Variants in NLRP14 observed in about 807,000 individuals in gnomAD.
The protein encoded by NLRP14 is NLR family pyrin domain containing 14.
A neutral mutation model predicts 94.7 loss-of-function variants in NLRP14; 105 were observed. That is an observed-to-expected ratio of 1.11 (90% CI 0.95 to 1.30). The LOEUF is 1.30. Ranked by LOEUF, NLRP14 falls within the 50% of genes most tolerant of loss-of-function variation. The probability of loss-of-function intolerance (pLI) is 0.00; values close to 1 mark genes in which losing one functional copy is unlikely to be tolerated. For missense variants in NLRP14, 1,362 were observed against 1,254.1 expected (o/e 1.09, Z -1.30); for synonymous variants, 508 against 459.9 (o/e 1.10, Z -1.34).
intron 4 of NLRP14, among the ~76,000 whole-genome samples, chr11:7,045,966 T>A (rs1183728971): frequency 6.6e-6 from 1 of 152,156 alleles, no homozygotes; most frequent in African/African-American, 2.4e-5. Context: ...GTGGCAGTGT[T>A]GAATTGGGAC....
intron 6 of NLRP14, among the ~76,000 whole-genome samples, chr11:7,052,565 C>T (rs548083983): frequency 9.9e-5 from 15 of 152,094 alleles, no homozygotes; most frequent in African/African-American, 2.7e-4. Flanking sequence ...ACCTGGGAGG[C>T]GGAGGTTGCA....
intron 1 of NLRP14, among the ~76,000 whole-genome samples, chr11:7,024,000 G>C (rs138380148): frequency 6.6e-6 from 1 of 152,256 alleles, no homozygotes; most frequent in African/African-American, 2.4e-5. Flanking sequence ...GGAGATTTCA[G>C]TGGGGACAAA....
the NLRP14 span, chr11:7,089,511 G>C: frequency 1.6e-6 from 2 of 1,224,234 alleles, no homozygotes; most frequent in South Asian, 5.7e-5. Flanking sequence ...CGATGATGAC[G>C]GCGGCTACAC....
Position 7,046,842 on chromosome 11 carries a change from G to A in NLRP14, c.2123+10G>A, listed in dbSNP as rs372941369. On this transcript the variant is annotated intron_variant, in intron 5 of 11. Coordinates refer to ENST00000299481, the MANE Select transcript of NLRP14 (RefSeq NM_176822.4). ...AACTACAAAAGCTACTGTAAGTCTG[G>A]TATGAGAAAATTTAATGGAGTTATT... The A allele has an allele frequency of 4.7e-5, 76 of 1,604,464 alleles. No individual in the cohort carries two copies. The African/African-American group carries it at 9.6e-4, about 20-fold the overall frequency.
At chr11:7,070,481 G>C (rs754085019) in intron 11 of NLRP14, 25 bp downstream of exon 11, 1 of 1,574,192 alleles carries the variant, frequency 6.4e-7, no homozygotes, top group Non-Finnish European at 8.7e-7. Context: ...GCTTCTCAGG[G>C]GGAGCATTTC....
intron 10 of NLRP14, 84 bp downstream of exon 10, chr11:7,062,587 A>AT: frequency 1.7e-6 from 2 of 1,209,620 alleles, no homozygotes; most frequent in Non-Finnish European, 2.5e-6. Flanking sequence ...TGGAGAGAGG[A>AT]TAAAAACTAA....
At chr11:7,083,699 G>A in the NLRP14 span, among the ~76,000 whole-genome samples, 1 of 152,184 alleles carries the variant, frequency 6.6e-6, no homozygotes, top group Non-Finnish European at 1.5e-5. Context: ...TCTTTACATT[G>A]CTGCAGGCCC....
the NLRP14 span, among the ~76,000 whole-genome samples, chr11:7,080,793 G>A: frequency 6.6e-5 from 10 of 152,326 alleles, no homozygotes; most frequent in East Asian, 1.9e-3. Context: ...CACGAAACAC[G>A]GCTTGGCAGT....
At chr11:7,056,850 C>G (rs1036565516) in intron 6 of NLRP14, among the ~76,000 whole-genome samples, 2 of 151,982 alleles carry the variant, frequency 1.3e-5, no homozygotes, top group Non-Finnish European at 2.9e-5. Flanking sequence ...TTTGGGCAAG[C>G]TGAGCTTTTT....
chr11:7,023,899 A>G (rs1469347579), intron 1 of NLRP14, among the ~76,000 whole-genome samples: 1 of 152,110 alleles, frequency 6.6e-6, no homozygotes, highest in East Asian at 1.9e-4. Flanking sequence ...TACTATCACA[A>G]GGACATTACC....
At position 7,066,249 on chromosome 11, in the gene NLRP14, T is replaced by G. The variant is rs184221366; in HGVS notation, c.2975+3746T>G. 5.1e-3 allele frequency among the ~76,000 whole-genome samples: 779 copies of G among 152,264 alleles called. 3 individuals carry two copies. Among genetic ancestry groups the G allele is most frequent in the African/African-American group, 0.012 (500 of 41,550 alleles). ...AGTAATGTGATTGCTGGATCAAATG[T>G]TATTTCTGATTCTAGATCCTTGAGG... On this transcript the variant is annotated intron_variant, in intron 10 of 11. Transcript: ENST00000299481.
At chr11:7,089,690 C>T in the NLRP14 span, 5 of 1,511,884 alleles carry the variant, frequency 3.3e-6, no homozygotes, top group Admixed American at 2.0e-5. Flanking sequence ...GAGACGGCTA[C>T]TCAGGCCCAC....
At chr11:7,077,269 C>T in the NLRP14 span, among the ~76,000 whole-genome samples, 3 of 152,224 alleles carry the variant, frequency 2.0e-5, no homozygotes, top group Admixed American at 2.0e-4. Flanking sequence ...GGAGGTGACC[C>T]CAATTCTGGT....
chr11:7,090,084 G>A, the NLRP14 span: 9 of 1,611,406 alleles, frequency 5.6e-6, no homozygotes, highest in Non-Finnish European at 7.6e-6. Flanking sequence ...CTACAGCGGC[G>A]GCCGCGACAG....
chr11:7,051,354 G>T (rs1852438985), intron 6 of NLRP14, among the ~76,000 whole-genome samples: 1 of 152,158 alleles, frequency 6.6e-6, no homozygotes. Context: ...TAAGAGCCAT[G>T]GGTAGTATGA....
At position 7,043,321 on chromosome 11, in the gene NLRP14, C is replaced by A; in HGVS notation, c.1295C>A (p.Ala432Asp). 1.2e-6 allele frequency: 2 copies of A among 1,614,120 alleles called. No homozygotes were observed. Among genetic ancestry groups the A allele is most frequent in the Non-Finnish European group, 1.7e-6 (2 of 1,180,008 alleles). ...AQLRRLCQVA[A>D]KGIWTMTYVF... ...CTGAGAAGACTGTGCCAAGTCGCTG[C>A]CAAAGGAATATGGACTATGACTTAC... Residue 432 changes from alanine (A) to aspartate (D), a missense_variant, in exon 4 of 12, where the codon GCC (alanine) becomes GAC (aspartate). Transcript: ENST00000299481.
chr11:7,025,098 T>A (rs1177412523), intron 1 of NLRP14, among the ~76,000 whole-genome samples: 4 of 152,170 alleles, frequency 2.6e-5, no homozygotes, highest in Admixed American at 1.3e-4. Flanking sequence ...AAATAACTCA[T>A]GACATTTCAG....
intron 6 of NLRP14, among the ~76,000 whole-genome samples, chr11:7,052,609 G>C (rs567651590): frequency 1.7e-4 from 26 of 152,242 alleles, no homozygotes; most frequent in Non-Finnish European, 3.8e-4. Context: ...ACTCCAGTCT[G>C]GGCAACAGAG....
intron 6 of NLRP14, among the ~76,000 whole-genome samples, chr11:7,055,721 T>TG (rs767285740): frequency 5.1e-4 from 78 of 152,252 alleles, no homozygotes; most frequent in Non-Finnish European, 9.7e-4. Flanking sequence ...TCTAGGTAGA[T>TG]GGAACATGGG....
Sources: allele counts gnomAD v4.1 joint callset (sites outside exome capture counted in the v4.1 genomes callset), GRCh38; gene constraint gnomAD v4.1.1; transcripts MANE v1.5; gene names NCBI Gene and HGNC (gene_info 2026-07-23, HGNC 2026-07-21).